Variants in MAPK10 observed in about 807,000 individuals in gnomAD.
MAPK10 encodes mitogen-activated protein kinase 10.
A neutral mutation model predicts 59.3 loss-of-function variants in MAPK10; 25 were observed. The observed-to-expected ratio is 0.42, with a 90% CI of 0.31 to 0.59. MAPK10 has a LOEUF of 0.59. MAPK10 is among the 20% of genes least tolerant of loss of function. The pLI, the probability that MAPK10 is intolerant of heterozygous loss-of-function variation, is 0.15. For missense variants in MAPK10, 351 were observed against 568.9 expected (o/e 0.62, Z 3.90); for synonymous variants, 190 against 200.5 (o/e 0.95, Z 0.44).
intron 1 of MAPK10, among the ~76,000 whole-genome samples, chr4:86,572,555 T>A (rs1761539800): frequency 6.6e-6 from 1 of 152,172 alleles, no homozygotes; most frequent in African/African-American, 2.4e-5. Flanking sequence ...ACGAATTTCA[T>A]AGTCCAGTGT....
At chr4:86,425,694 C>T (rs541469601) in intron 1 of MAPK10, among the ~76,000 whole-genome samples, 25 of 152,224 alleles carry the variant, frequency 1.6e-4, no homozygotes, top group South Asian at 2.1e-4. Flanking sequence ...ATTTAAGGAT[C>T]GGGCGCAGTG....
intron 11 of MAPK10, among the ~76,000 whole-genome samples, chr4:86,056,695 A>C (rs1220498684): frequency 6.7e-6 from 1 of 150,124 alleles, no homozygotes; most frequent in Non-Finnish European, 1.5e-5. Flanking sequence ...ACTCCTTCCC[A>C]TCATCCTCAG....
chr4:86,094,433 T>C (rs896427903), intron 9 of MAPK10, among the ~76,000 whole-genome samples: 1 of 151,976 alleles, frequency 6.6e-6, no homozygotes, highest in Non-Finnish European at 1.5e-5. Flanking sequence ...TCCAGAATTT[T>C]CAAATGCATG....
At chr4:86,140,779 A>G (rs2063473541) in intron 4 of MAPK10, among the ~76,000 whole-genome samples, 1 of 152,198 alleles carries the variant, frequency 6.6e-6, no homozygotes, top group Non-Finnish European at 1.5e-5. Context: ...AGGTGTGCAC[A>G]AATACACACA....
chr4:86,359,804 G>A lies in MAPK10; in HGVS notation c.-268C>T. On this transcript the variant is annotated 5_prime_UTR_variant, in exon 1 of 14. Coordinates refer to ENST00000641462, the MANE Select transcript of MAPK10 (RefSeq NM_138982.4). ...ATTGTTTAAAATTAACGATGGACAG[G>A]TGATTTCCAAGAAAACCCAATCTTA... 5.1e-6 allele frequency: 5 copies of A among 985,672 alleles called. No homozygotes were observed. The highest frequency in any genetic ancestry group is 6.0e-6 in the Non-Finnish European group (5 of 829,908). 61.1% of individuals were successfully genotyped at this position (985,672 alleles called of 1,614,324 possible). A position where few individuals can be genotyped will look rare whatever the true frequency, so the allele number is the denominator to read the frequency against.
intron 1 of MAPK10, among the ~76,000 whole-genome samples, chr4:86,529,877 C>T (rs1447654205): frequency 6.6e-6 from 1 of 152,116 alleles, no homozygotes; most frequent in African/African-American, 2.4e-5. Flanking sequence ...TCCTCCTTGA[C>T]ACCCTATAAT....
chr4:86,416,253 CAAG>C (rs1745848990), intron 1 of MAPK10, among the ~76,000 whole-genome samples: 3 of 152,278 alleles, frequency 2.0e-5, no homozygotes, highest in East Asian at 3.9e-4. Context: ...ATCTGCAAGC[CAAG>C]GAGAGACGAC....
Position 86,011,155 on chromosome 4 carries a change from T to C in MAPK10, c.*6073A>G, listed in dbSNP as rs148772527. The C allele has an allele frequency of 6.6e-6, 1 of 152,354 alleles. No individual in the cohort carries two copies. Among genetic ancestry groups the C allele is most frequent in the East Asian group, 1.9e-4 (1 of 5,188 alleles). The allele number at this position is 152,354 out of a possible 1,614,324, so 9.4% of individuals were successfully genotyped here. ...GAAATATAAATTTCTACAGCACATT[T>C]TTAGTGCCTTAAACAGACTACAATG... On this transcript the variant is annotated 3_prime_UTR_variant, in exon 14 of 14. Transcript: ENST00000641462.
At chr4:86,255,194 C>T (rs2093654526) in intron 2 of MAPK10, among the ~76,000 whole-genome samples, 1 of 151,876 alleles carries the variant, frequency 6.6e-6, no homozygotes, top group Non-Finnish European at 1.5e-5. Context: ...CTGAGTTTTG[C>T]CTGGGATTTT....
At chr4:86,234,225 C>T (rs1423184587) in intron 2 of MAPK10, among the ~76,000 whole-genome samples, 1 of 151,938 alleles carries the variant, frequency 6.6e-6, no homozygotes, top group Non-Finnish European at 1.5e-5. Flanking sequence ...TGATATACAG[C>T]ATCATAGAGA....
intron 1 of MAPK10, among the ~76,000 whole-genome samples, chr4:86,428,132 C>T (rs1579182429): frequency 1.4e-5 from 2 of 147,660 alleles, no homozygotes; most frequent in Non-Finnish European, 1.5e-5. Flanking sequence ...TTGGTGTTTT[C>T]AAAGTTACTT....
rs575528686 is a variant in MAPK10 at position 86,101,819 on chromosome 4, G to A, written c.564+75C>T. 7.1e-4 allele frequency: 1,054 copies of A among 1,487,648 alleles called. 1 individual carries two copies. The highest frequency in any genetic ancestry group is 1.3e-3 in the South Asian group (113 of 85,126). 92.2% of individuals were successfully genotyped at this position (1,487,648 alleles called of 1,614,324 possible). A position where few individuals can be genotyped will look rare whatever the true frequency, so the allele number is the denominator to read the frequency against. On this transcript the variant is annotated intron_variant, in intron 7 of 13. Transcript: ENST00000641462. ...ATATTATATTTGACCAATGCCCCCC[G>A]TATAAAGAAAATAATCTACAGTTAC...
intron 2 of MAPK10, among the ~76,000 whole-genome samples, chr4:86,280,901 A>G (rs1019796063): frequency 6.6e-6 from 1 of 152,178 alleles, no homozygotes; most frequent in African/African-American, 2.4e-5. Context: ...CATTGGATAC[A>G]CATGGACATA....
At chr4:86,414,881 C>T (rs936981789) in intron 1 of MAPK10, among the ~76,000 whole-genome samples, 1 of 152,080 alleles carries the variant, frequency 6.6e-6, no homozygotes. Context: ...GGTAAACCAG[C>T]TGTTTACTAG....
At chr4:86,187,880 T>C (rs2078668841) in intron 3 of MAPK10, among the ~76,000 whole-genome samples, 3 of 152,136 alleles carry the variant, frequency 2.0e-5, no homozygotes, top group Non-Finnish European at 1.5e-5. Context: ...CAATCTGTCA[T>C]CTACATTAGG....
intron 2 of MAPK10, among the ~76,000 whole-genome samples, chr4:86,320,403 C>CATA (rs2095866166): frequency 6.6e-6 from 1 of 152,152 alleles, no homozygotes; most frequent in Non-Finnish European, 1.5e-5. Flanking sequence ...AGCAGTGAGG[C>CATA]TTATTTCTAT....
At chr4:86,198,773 G>C (rs543013001) in intron 2 of MAPK10, among the ~76,000 whole-genome samples, 1 of 151,562 alleles carries the variant, frequency 6.6e-6, no homozygotes, top group Non-Finnish European at 1.5e-5. Context: ...GTGATAATTA[G>C]TATAAAAAGT....
intron 5 of MAPK10, among the ~76,000 whole-genome samples, chr4:86,105,117 A>C (rs2056299502): frequency 6.6e-6 from 1 of 152,138 alleles, no homozygotes; most frequent in Non-Finnish European, 1.5e-5. Context: ...GTTGATAAGA[A>C]ATACAGAAAA....
At chr4:86,111,153 G>A (rs2057413937) in intron 4 of MAPK10, among the ~76,000 whole-genome samples, 1 of 152,040 alleles carries the variant, frequency 6.6e-6, no homozygotes, top group Admixed American at 6.6e-5. Context: ...TCTAGATATA[G>A]GATCATGCCA....
Sources: allele counts gnomAD v4.1 joint callset (sites outside exome capture counted in the v4.1 genomes callset), GRCh38; gene constraint gnomAD v4.1.1; transcripts MANE v1.5; gene names NCBI Gene and HGNC (gene_info 2026-07-23, HGNC 2026-07-21).